EEF1E1: variants seen among roughly 807,000 people sequenced by gnomAD.
EEF1E1 encodes the protein eukaryotic translation elongation factor 1 epsilon 1.
EEF1E1 carries 19 observed loss-of-function variants against 19.9 expected under a neutral mutation model. That is an observed-to-expected ratio of 0.95 (90% CI 0.66 to 1.40). EEF1E1 has a LOEUF of 1.40. Ranked by LOEUF, EEF1E1 falls within the 40% of genes most tolerant of loss-of-function variation. The probability of loss-of-function intolerance (pLI) is 0.00; values close to 1 mark genes in which losing one functional copy is unlikely to be tolerated. For synonymous variants in EEF1E1, 81 were observed against 80.0 expected (o/e 1.01, Z -0.07); for missense variants, 198 against 202.2 (o/e 0.98, Z 0.13).
downstream of EEF1E1, among the ~76,000 whole-genome samples, chr6:8,076,041 C>T (rs1376333389): frequency 6.6e-6 from 1 of 152,158 alleles, no homozygotes; most frequent in Non-Finnish European, 1.5e-5. Flanking sequence ...TCAGGCTCTG[C>T]TTCTAATTTT....
At chr6:8,092,323 A>T (rs954701428) in intron 2 of EEF1E1, among the ~76,000 whole-genome samples, 11 of 152,258 alleles carry the variant, frequency 7.2e-5, no homozygotes, top group Non-Finnish European at 1.2e-4. Flanking sequence ...TCAATAAAAA[A>T]TGTTTGCAGA....
In EEF1E1 at chr6:8,085,240, T is replaced by C. The variant is rs538402617; in HGVS notation, c.384+4946A>G. Among the ~76,000 whole-genome samples the C allele has an allele frequency of 5.3e-5, 8 of 152,158 alleles. No homozygotes were observed. The South Asian group carries it at 1.0e-3, about 20-fold the overall frequency. Reference sequence around the variant, plus strand: ...TGACTCACTGTGGCCTTGACCTCCCTGGGCTCAGAAGATCCTCCTACCTCA... The same window carrying C: ...TGACTCACTGTGGCCTTGACCTCCCCGGGCTCAGAAGATCCTCCTACCTCA... On this transcript the variant is annotated intron_variant, in intron 3 of 3. Coordinates refer to ENST00000379715, the MANE Select transcript of EEF1E1 (RefSeq NM_004280.5).
chr6:8,073,536 T>G (rs1459954393), intron 3 of EEF1E1: 1 of 1,551,526 alleles, frequency 6.4e-7, no homozygotes, highest in East Asian at 2.4e-5. Context: ...AAAAAGGAGT[T>G]AATTCACTTA....
intron 3 of EEF1E1, among the ~76,000 whole-genome samples, chr6:8,086,498 C>T (rs1757857730): frequency 6.6e-6 from 1 of 152,146 alleles, no homozygotes; most frequent in African/African-American, 2.4e-5. Context: ...ATAGCAGCCC[C>T]AAACCATGGA....
downstream of EEF1E1, among the ~76,000 whole-genome samples, chr6:8,077,189 C>T (rs9379162): frequency 0.2 from 30,944 of 152,010 alleles, 3,519 homozygotes; most frequent in Non-Finnish European, 0.26. Flanking sequence ...GTGATCCGCC[C>T]GCCTTGGCCT....
chr6:8,077,933 A>C (rs1757637591), downstream of EEF1E1, among the ~76,000 whole-genome samples: 1 of 152,156 alleles, frequency 6.6e-6, no homozygotes, highest in African/African-American at 2.4e-5. Context: ...CTGGGACTAC[A>C]GGCACTCCAC....
intron 3 of EEF1E1, among the ~76,000 whole-genome samples, chr6:8,086,289 C>A (rs1757852070): frequency 6.6e-6 from 1 of 152,168 alleles, no homozygotes. Context: ...GAGGGAACTG[C>A]ATTCCATTCT....
chr6:8,078,226 C>T (rs1399478710), downstream of EEF1E1, among the ~76,000 whole-genome samples: 1 of 152,150 alleles, frequency 6.6e-6, no homozygotes, highest in African/African-American at 2.4e-5. Flanking sequence ...CCTCCTTTCA[C>T]CTGAGCACTT....
intron 3 of EEF1E1, among the ~76,000 whole-genome samples, chr6:8,084,334 T>C (rs1757792364): frequency 6.6e-6 from 1 of 152,238 alleles, no homozygotes; most frequent in South Asian, 2.1e-4. Flanking sequence ...TAAATAACTT[T>C]GCAGCTAGTG....
Position 8,090,277 on chromosome 6 carries a change from A to G in EEF1E1, c.293T>C (p.Leu98Pro). Reference sequence around the variant, plus strand: ...GACTTTATCTTCAAGATATGAATTAAGATCCTAGAAAAAAGAAAAAACAAA... The same window carrying G: ...GACTTTATCTTCAAGATATGAATTAGGATCCTAGAAAAAAGAAAAAACAAA... Reference protein sequence around the residue: ...KNDIHTLLKDLNSYLEDKVYL... With the variant: ...KNDIHTLLKDPNSYLEDKVYL... Residue 98 changes from leucine (L) to proline (P), a missense_variant, in exon 3 of 4, where the codon CTT becomes CCT. Coordinates refer to ENST00000379715, the MANE Select transcript of EEF1E1 (RefSeq NM_004280.5). The G allele has an allele frequency of 6.8e-7, 1 of 1,480,442 alleles. No homozygotes were observed. Among genetic ancestry groups the G allele is most frequent in the Non-Finnish European group, 8.9e-7 (1 of 1,122,402 alleles). 91.7% of individuals were successfully genotyped at this position (1,480,442 alleles called of 1,614,324 possible).
rs1757682355 is a variant in EEF1E1 at position 8,079,837 on chromosome 6, C to T, written c.*53G>A. 1 of 1,577,306 alleles carries T rather than the reference C, an allele frequency of 6.3e-7. No homozygotes were observed. Among genetic ancestry groups the T allele is most frequent in the Non-Finnish European group, 8.6e-7 (1 of 1,159,186 alleles). On this transcript the variant is annotated 3_prime_UTR_variant, in exon 4 of 4. Transcript: ENST00000379715. Reference sequence around the variant, plus strand: ...TACATTAGTCCTGTGGTCTAGAGTACATTTTCCATTTAAAACATTTTTAAT... The same window carrying T: ...TACATTAGTCCTGTGGTCTAGAGTATATTTTCCATTTAAAACATTTTTAAT...
chr6:8,102,359 G>A lies in EEF1E1; in HGVS notation c.87+76C>T, dbSNP rs1410660359. 3 of 1,437,032 alleles carry A rather than the reference G, an allele frequency of 2.1e-6. No homozygotes were observed. In the East Asian group the frequency reaches 7.0e-5, roughly 34 times the overall value. The allele number at this position is 1,437,032 out of a possible 1,614,324, so 89.0% of individuals were successfully genotyped here. Reference sequence around the variant, plus strand: ...CTCACTCCGCCCGTATCTGGTGGCCGGCCCGGGTCCTGCCAGGGCTCGGCA... The same window carrying A: ...CTCACTCCGCCCGTATCTGGTGGCCAGCCCGGGTCCTGCCAGGGCTCGGCA... On this transcript the variant is annotated intron_variant, in intron 1 of 3. Coordinates refer to ENST00000379715, the MANE Select transcript of EEF1E1 (RefSeq NM_004280.5).
At chr6:8,074,765 G>A (rs537226293), downstream of EEF1E1, among the ~76,000 whole-genome samples, 11 of 152,266 alleles carry the variant, frequency 7.2e-5, no homozygotes, top group South Asian at 1.7e-3. Context: ...TTCATCTTTC[G>A]ACCATCCCTT....
At chr6:8,094,939 C>T (rs1021101068) in intron 2 of EEF1E1, among the ~76,000 whole-genome samples, 1 of 152,132 alleles carries the variant, frequency 6.6e-6, no homozygotes, top group East Asian at 1.9e-4. Context: ...TTTAAGAATA[C>T]GGTATATAAT....
In EEF1E1 at chr6:8,089,855, A is replaced by AG. The variant is rs1314374848; in HGVS notation, c.384+330dup. The AG allele has an allele frequency of 2.8e-5, 8 of 283,698 alleles. No individual in the cohort carries two copies. In the East Asian group the frequency reaches 4.5e-4, roughly 16 times the overall value. The allele number at this position is 283,698 out of a possible 1,614,324, so 17.6% of individuals were successfully genotyped here. A position where few individuals can be genotyped will look rare whatever the true frequency, so the allele number is the denominator to read the frequency against. Reference sequence around the variant, plus strand: ...GTGTGGCTGGAGAAGTCACTGCTGAAGAAGGGCAGAAGCATAGGAAAAAAA... The same window carrying AG: ...GTGTGGCTGGAGAAGTCACTGCTGAAGGAAGGGCAGAAGCATAGGAAAAAAA... On this transcript the variant is annotated intron_variant, in intron 3 of 3. Coordinates refer to ENST00000379715, the MANE Select transcript of EEF1E1 (RefSeq NM_004280.5).
intron 2 of EEF1E1, among the ~76,000 whole-genome samples, chr6:8,093,844 C>T (rs895724491): frequency 2.0e-5 from 3 of 151,682 alleles, no homozygotes; most frequent in African/African-American, 7.3e-5. Context: ...GTTGCCCAGA[C>T]TGGAGTACAG....
At chr6:8,088,549 G>A (rs770703658) in intron 3 of EEF1E1, among the ~76,000 whole-genome samples, 21 of 152,304 alleles carry the variant, frequency 1.4e-4, no homozygotes, top group Non-Finnish European at 2.4e-4. Flanking sequence ...CTCTCTGCCT[G>A]CTGCCATCCA....
At chr6:8,092,928 A>G (rs1758060068) in intron 2 of EEF1E1, among the ~76,000 whole-genome samples, 1 of 128,810 alleles carries the variant, frequency 7.8e-6, no homozygotes, top group African/African-American at 3.1e-5. Flanking sequence ...AGGCTGGAGT[A>G]CAGTGGCGTG....
intron 2 of EEF1E1, chr6:8,095,301 G>C: frequency 3.1e-6 from 1 of 323,764 alleles, no homozygotes; most frequent in Non-Finnish European, 6.3e-6. Context: ...AGGAGTTCGA[G>C]ACCAGCCTGG....
Sources: gnomAD v4.1 joint callset for allele counts (sites outside exome capture counted in the v4.1 genomes callset) on GRCh38, gnomAD v4.1.1 for gene constraint, MANE v1.5 for transcripts, NCBI Gene and HGNC (gene_info 2026-07-23, HGNC 2026-07-21) for gene names.